The following FGGY variants were observed in gnomAD, a reference collection of about 807,000 sequenced individuals.
The protein encoded by FGGY is FGGY carbohydrate kinase domain containing, also known as FGGY carbohydrate kinase domain-containing protein.
Under a neutral mutation model 71.3 loss-of-function variants are expected in FGGY, and 72 were observed. The observed-to-expected ratio is 1.01, with a 90% CI of 0.84 to 1.23. The LOEUF (loss-of-function observed/expected upper bound fraction) is 1.23. Ranked by LOEUF, FGGY falls within the 50% of genes most tolerant of loss-of-function variation. The pLI is 0.00. For synonymous variants in FGGY, 251 were observed against 250.3 expected, an observed-to-expected ratio of 1.00 and a Z score of -0.02; for missense variants, 668 against 682.3, an observed-to-expected ratio of 0.98 and a Z score of 0.23.
chr1:59,430,410 T>G (rs543823912), intron 5 of FGGY, among the ~76,000 whole-genome samples: 1 of 152,180 alleles, frequency 6.6e-6, no homozygotes, highest in African/African-American at 2.4e-5. Context: ...AAAATCCCGG[T>G]GCAGGGAGAC....
chr1:59,458,116 C>T (rs1414244787), intron 6 of FGGY, among the ~76,000 whole-genome samples: 1 of 152,192 alleles, frequency 6.6e-6, no homozygotes, highest in African/African-American at 2.4e-5. Flanking sequence ...TTTACTGGAA[C>T]ACAAATTTCA....
intron 14 of FGGY, among the ~76,000 whole-genome samples, chr1:59,728,964 A>G (rs551000163): frequency 6.3e-4 from 96 of 152,164 alleles, no homozygotes; most frequent in African/African-American, 2.3e-3. Flanking sequence ...ATTACTTCAG[A>G]TATTTCTTCT....
At chr1:59,588,828 G>C (rs932090628) in intron 8 of FGGY, among the ~76,000 whole-genome samples, 2 of 152,136 alleles carry the variant, frequency 1.3e-5, no homozygotes, top group Non-Finnish European at 2.9e-5. Flanking sequence ...CCAGCCACTG[G>C]AAAATCATGC....
chr1:59,557,885 G>C (rs1230837936), intron 8 of FGGY, among the ~76,000 whole-genome samples: 1 of 152,120 alleles, frequency 6.6e-6, no homozygotes, highest in Non-Finnish European at 1.5e-5. Context: ...ACACTGAGGA[G>C]GTAAGATTTG....
At chr1:59,469,924 G>A (rs1016906702) in intron 6 of FGGY, among the ~76,000 whole-genome samples, 2 of 152,150 alleles carry the variant, frequency 1.3e-5, no homozygotes, top group Non-Finnish European at 2.9e-5. Context: ...CAAAGGACAT[G>A]ATCTTGTTCT....
intron 6 of FGGY, among the ~76,000 whole-genome samples, chr1:59,471,761 G>T (rs2092952246): frequency 6.6e-6 from 1 of 152,154 alleles, no homozygotes; most frequent in African/African-American, 2.4e-5. Context: ...CTATCCCTTT[G>T]GGGATCTCAT....
Position 59,546,516 on chromosome 1 carries a change from TGATGATG to T in FGGY, c.800-7607_800-7601del, listed in dbSNP as rs1200407444. 5.4e-5 allele frequency among the ~76,000 whole-genome samples: 8 copies of T among 147,588 alleles called. No homozygotes were observed. In the South Asian group the frequency reaches 6.6e-4, roughly 12 times the overall value. ...AGGATGATGATGATGATGATGATGA[TGATGATG>T]ATGATGATGATGATTATTATTATTA... On this transcript the variant is annotated intron_variant, in intron 7 of 15. Transcript: ENST00000303721.
intron 8 of FGGY, among the ~76,000 whole-genome samples, chr1:59,594,242 T>G (rs891332205): frequency 6.6e-6 from 1 of 152,212 alleles, no homozygotes; most frequent in Admixed American, 6.5e-5. Flanking sequence ...TTAACCATAC[T>G]AGTCTGGACT....
At chr1:59,551,127 G>T (rs892032723) in intron 7 of FGGY, among the ~76,000 whole-genome samples, 1 of 152,106 alleles carries the variant, frequency 6.6e-6, no homozygotes. Flanking sequence ...AGAGAGTGAT[G>T]GTAGTGATGA....
chr1:59,544,736 G>A (rs1226486251), intron 7 of FGGY, among the ~76,000 whole-genome samples: 1 of 152,222 alleles, frequency 6.6e-6, no homozygotes, highest in Non-Finnish European at 1.5e-5. Flanking sequence ...ACTTACAGAA[G>A]TTTGCACAGG....
chr1:59,636,998 G>A (rs891176320), intron 10 of FGGY, among the ~76,000 whole-genome samples: 2 of 152,170 alleles, frequency 1.3e-5, no homozygotes, highest in Admixed American at 6.5e-5. Flanking sequence ...GCCAACTACT[G>A]CAATATCCAC....
At chr1:59,394,060 G>C (rs1571546019) in intron 5 of FGGY, among the ~76,000 whole-genome samples, 1 of 152,180 alleles carries the variant, frequency 6.6e-6, no homozygotes, top group Admixed American at 6.5e-5. Context: ...AAGGAAAAGG[G>C]ATCTGTTGGG....
At chr1:59,500,663 CAAAAAAAAAAAAAA>C (rs922111998) in intron 6 of FGGY, among the ~76,000 whole-genome samples, 1 of 44,774 alleles carries the variant, frequency 2.2e-5, no homozygotes, top group Non-Finnish European at 4.0e-5. Context: ...GCCTTCTTGC[CAAAAAAAAAAAAAA>C]AAAAAAAAAG....
chr1:59,495,620 A>G (rs2094006016), intron 6 of FGGY, among the ~76,000 whole-genome samples: 3 of 152,066 alleles, frequency 2.0e-5, no homozygotes, highest in Admixed American at 6.6e-5. Flanking sequence ...TTTAGGTTTT[A>G]CATCTAAGTC....
chr1:59,562,230 G>A (rs554731457), intron 8 of FGGY, among the ~76,000 whole-genome samples: 7 of 152,160 alleles, frequency 4.6e-5, no homozygotes, highest in South Asian at 4.2e-4. Flanking sequence ...GGAAACAACC[G>A]AGATATCTTT....
intron 14 of FGGY, among the ~76,000 whole-genome samples, chr1:59,718,933 C>A (rs553905304): frequency 1.3e-5 from 2 of 152,176 alleles, no homozygotes; most frequent in Non-Finnish European, 2.9e-5. Context: ...TAACTGGCAC[C>A]CAGGACCACT....
At chr1:59,393,483 GA>G (rs978564519) in intron 5 of FGGY, among the ~76,000 whole-genome samples, 1 of 152,194 alleles carries the variant, frequency 6.6e-6, no homozygotes, top group Admixed American at 6.5e-5. Context: ...CAAGTTCTGT[GA>G]AACAGGGGGT....
intron 5 of FGGY, among the ~76,000 whole-genome samples, chr1:59,389,009 G>A (rs539911703): frequency 2.6e-5 from 4 of 152,094 alleles, no homozygotes; most frequent in African/African-American, 7.2e-5. Context: ...GTGCAGTGTC[G>A]TAATTTTGGC....
intron 7 of FGGY, among the ~76,000 whole-genome samples, chr1:59,523,065 T>C (rs1486779658): frequency 1.3e-5 from 2 of 152,156 alleles, no homozygotes; most frequent in Non-Finnish European, 2.9e-5. Flanking sequence ...TTTCCTTTGC[T>C]GAACTGGGGA....
Sources: allele counts gnomAD v4.1 joint callset (sites outside exome capture counted in the v4.1 genomes callset), GRCh38; gene constraint gnomAD v4.1.1; transcripts MANE v1.5; gene names NCBI Gene and HGNC (gene_info 2026-07-23, HGNC 2026-07-21).